ELFN2: variants seen among roughly 807,000 people sequenced by gnomAD.
The protein encoded by ELFN2 is protein phosphatase 1 regulatory subunit 29.
In ELFN2, 17 loss-of-function variants were observed where a neutral mutation model predicts 45.5. That is an observed-to-expected ratio of 0.37 (90% CI 0.26 to 0.56). The LOEUF (loss-of-function observed/expected upper bound fraction) is 0.56, where lower values mean the gene tolerates loss of function less well. ELFN2 is among the 20% of genes least tolerant of loss of function. The pLI is 0.77. For synonymous variants in ELFN2, 550 were observed against 551.5 expected, an observed-to-expected ratio of 1.00 and a Z score of 0.04; for missense variants, 922 against 1,183.2, an observed-to-expected ratio of 0.78 and a Z score of 3.24.
rs576089069 is a variant in ELFN2, at chr22:37,371,774, G to A, written c.*1298C>T. ...GCTCCTCAACCCTCTCTCGGGTGGG[G>A]GCCTCACTGTTTGTGCTTTGTTTGA... On this transcript the variant is annotated 3_prime_UTR_variant, in exon 3 of 3. Coordinates refer to ENST00000402918, the MANE Select transcript of ELFN2 (RefSeq NM_052906.5). This position sits in a 1 kb window ranked among gnomAD's most constrained non-coding sequence, Gnocchi z 6.4. 1 of 152,634 alleles carries A rather than the reference G, an allele frequency of 6.6e-6. No homozygotes were observed. The highest frequency in any genetic ancestry group is 6.5e-5 in the Admixed American group (1 of 15,310). 9.5% of individuals were successfully genotyped at this position (152,634 alleles called of 1,614,324 possible).
In ELFN2 at chr22:37,427,323, A is replaced by G. The variant is rs1932860795; in HGVS notation, c.-639T>C. On this transcript the variant is annotated 5_prime_UTR_variant, in exon 1 of 3. Transcript: ENST00000402918. ...CCCAGCCCCAGCCGGGATCCGGGCCAAGCACCGCCTCCGGGAAGCGGCGGC... is the reference window on the plus strand; with the variant it reads ...CCCAGCCCCAGCCGGGATCCGGGCCGAGCACCGCCTCCGGGAAGCGGCGGC... 1 of 152,678 alleles carries G rather than the reference A, an allele frequency of 6.5e-6. No individual in the cohort carries two copies. Among genetic ancestry groups the G allele is most frequent in the African/African-American group, 2.4e-5 (1 of 41,418 alleles). 9.5% of individuals were successfully genotyped at this position (152,678 alleles called of 1,614,324 possible).
intron 2 of ELFN2, among the ~76,000 whole-genome samples, chr22:37,407,518 G>A (rs1038382844): frequency 6.6e-6 from 1 of 152,180 alleles, no homozygotes; most frequent in Non-Finnish European, 1.5e-5. Flanking sequence ...ATAGAGGAAC[G>A]TGCTCTGTAG....
At chr22:37,377,032 C>T (rs1569133470) in intron 2 of ELFN2, among the ~76,000 whole-genome samples, 1 of 152,216 alleles carries the variant, frequency 6.6e-6, no homozygotes, top group East Asian at 1.9e-4. Context: ...CTAGGTAAAC[C>T]ACAACATCTT....
Position 37,373,155 on chromosome 22 carries a change from T to C in ELFN2, c.2380A>G (p.Lys794Glu). Residue 794 changes from lysine (K) to glutamate (E), a missense_variant, in exon 3 of 3, where the codon AAG becomes GAG. Physicochemically the swap from Lys to Glu is moderately conservative, Grantham distance 56. This residue lies in a region of ELFN2 where 564 missense variants were observed against 642.8 expected (regional missense o/e 0.88). Coordinates refer to ENST00000402918, the MANE Select transcript of ELFN2 (RefSeq NM_052906.5). ...VYMAAGHALR[K>E]KVQFAKDEDL... is the part of the protein sequence containing the mutation. Reference sequence around the variant, plus strand: ...TCGTCCTTGGCGAACTGGACCTTCTTGCGCAGGGCGTGACCGGCGGCCATG... The same window carrying C: ...TCGTCCTTGGCGAACTGGACCTTCTCGCGCAGGGCGTGACCGGCGGCCATG... 6.2e-7 allele frequency: 1 copy of C among 1,613,686 alleles called. No individual in the cohort carries two copies. Among genetic ancestry groups the C allele is most frequent in the Non-Finnish European group, 8.5e-7 (1 of 1,179,896 alleles).
intron 2 of ELFN2, among the ~76,000 whole-genome samples, chr22:37,416,983 C>G (rs1232553234): frequency 6.6e-6 from 1 of 152,166 alleles, no homozygotes; most frequent in Non-Finnish European, 1.5e-5. Flanking sequence ...CCTCCTTTCT[C>G]TGTCTCCTCC....
rs760203893 is a variant in ELFN2 at position 37,373,085 on chromosome 22, T to C, written c.2450A>G (p.Gln817Arg). 1.8e-5 allele frequency: 29 copies of C among 1,595,802 alleles called. No individual in the cohort carries two copies. Among genetic ancestry groups the C allele is most frequent in the Non-Finnish European group, 2.4e-5 (28 of 1,167,090 alleles). The stretch of plus-strand genomic sequence containing the variant: ...GGAAGGGGGGGGTCACAGCTTCTGC[T>C]GGGCGGAGACCCCCTTCCAGTAATC... ...ILDYWKGVSAQQKL is the reference protein window; with the variant it reads ...ILDYWKGVSARQKL Residue 817 changes from glutamine (Q) to arginine (R), a missense_variant, in exon 3 of 3, where the codon CAG becomes CGG. Physicochemically the swap from Gln to Arg is conservative, Grantham distance 43. Coordinates refer to ENST00000402918, the MANE Select transcript of ELFN2 (RefSeq NM_052906.5).
intron 2 of ELFN2, among the ~76,000 whole-genome samples, chr22:37,385,823 CA>C (rs1931932670): frequency 6.6e-6 from 1 of 152,220 alleles, no homozygotes; most frequent in Admixed American, 6.5e-5. Flanking sequence ...AGGATACTAA[CA>C]GCATGGATCG....
chr22:37,344,941 G>T (rs552982562), intron 1 of ELFN2, among the ~76,000 whole-genome samples: 1 of 152,100 alleles, frequency 6.6e-6, no homozygotes, highest in Non-Finnish European at 1.5e-5. Context: ...CTGCCAGGGG[G>T]CCCTCCCCGT....
intron 2 of ELFN2, among the ~76,000 whole-genome samples, chr22:37,403,983 T>G (rs1296452420): frequency 1.3e-5 from 2 of 152,216 alleles, no homozygotes; most frequent in African/African-American, 4.8e-5. Context: ...AGGGGCCTCA[T>G]CTGTCCTGGG....
At chr22:37,380,384 C>T (rs1413723843) in intron 2 of ELFN2, among the ~76,000 whole-genome samples, 3 of 152,170 alleles carry the variant, frequency 2.0e-5, no homozygotes, top group African/African-American at 7.2e-5. Context: ...CCAGAGTTCC[C>T]CCGAAATCCC....
rs539926196 is a variant in ELFN2 at position 37,417,367 on chromosome 22, A to G, written c.-463+402T>C. Among the ~76,000 whole-genome samples the G allele has an allele frequency of 5.3e-5, 8 of 151,776 alleles. No homozygotes were observed. In the South Asian group the frequency reaches 1.7e-3, roughly 32 times the overall value. On this transcript the variant is annotated intron_variant, in intron 2 of 2. Transcript: ENST00000402918. The surrounding 1 kb of genome is among the most constrained non-coding windows in gnomAD (Gnocchi z 4.5). Reference sequence around the variant, plus strand: ...CCCCCACCTGAGCGAGACCCCCACCATGTTGTCCCAGGCCTTCCCCTGGAA... The same window carrying G: ...CCCCCACCTGAGCGAGACCCCCACCGTGTTGTCCCAGGCCTTCCCCTGGAA...
chr22:37,384,645 C>G (rs1246575378), intron 2 of ELFN2, among the ~76,000 whole-genome samples: 1 of 101,048 alleles, frequency 9.9e-6, no homozygotes, highest in South Asian at 3.6e-4. Flanking sequence ...CCCCACCCGA[C>G]CCCTGGCCTC....
chr22:37,362,305 C>G (rs1036929831), intron 1 of ELFN2, among the ~76,000 whole-genome samples: 13 of 152,220 alleles, frequency 8.5e-5, no homozygotes, highest in Non-Finnish European at 1.6e-4. Context: ...GGGTTATAAT[C>G]TAAATAACTG....
Position 37,375,466 on chromosome 22 carries a change from G to A in ELFN2, c.69C>T (p.Asp23=), listed in dbSNP as rs1226505866. Residue 23 remains aspartate (D), a synonymous_variant, in exon 3 of 3, where the codon GAC becomes GAT. Coordinates refer to ENST00000402918, the MANE Select transcript of ELFN2 (RefSeq NM_052906.5). ...CCTTGTCGCCCTCAATGAGCCAGCA[G>A]TCGGCACGCACGGCACCCGGCCGGC... The part of the protein sequence containing the change: ...CVCRPGAVRA[D]CWLIEGDKGY... 8 of 1,608,530 alleles carry A rather than the reference G, an allele frequency of 5.0e-6. No homozygotes were observed. The highest frequency in any genetic ancestry group is 6.8e-6 in the Non-Finnish European group (8 of 1,177,616).
chr22:37,413,255 C>T (rs780635595), intron 2 of ELFN2, among the ~76,000 whole-genome samples: 5 of 152,116 alleles, frequency 3.3e-5, no homozygotes, highest in African/African-American at 7.2e-5. Context: ...AGAAAATGAC[C>T]TGTCCCAGGC....
At chr22:37,380,288 G>A (rs1931716006) in intron 2 of ELFN2, among the ~76,000 whole-genome samples, 1 of 152,080 alleles carries the variant, frequency 6.6e-6, no homozygotes, top group Admixed American at 6.5e-5. Context: ...GAAGATGCAG[G>A]CCCAACCAGC....
chr22:37,374,901 G>C lies in ELFN2; in HGVS notation c.634C>G (p.Arg212Gly). 1 of 1,612,002 alleles carries C rather than the reference G, an allele frequency of 6.2e-7. No individual in the cohort carries two copies. The highest frequency in any genetic ancestry group is 1.3e-5 in the African/African-American group (1 of 75,060). ...VFNNVTKNYD[R>G]LQCESPREFA... is the part of the protein sequence containing the mutation. ...TCCCGCGGCGACTCACACTGCAGGC[G>C]GTCGTAGTTCTTGGTGACGTTGTTG... is the stretch of plus-strand genomic sequence containing the variant. Residue 212 changes from arginine to glycine, a missense_variant, in exon 3 of 3, where the codon CGC (arginine) becomes GGC (glycine). By Grantham distance (125) the Arg-to-Gly change is moderately radical. Around this residue, in one of 2 missense-constraint regions of ELFN2, gnomAD observed 358 missense variants for 540.4 expected, o/e 0.66. Coordinates refer to ENST00000402918, the MANE Select transcript of ELFN2 (RefSeq NM_052906.5).
chr22:37,374,142 G>A lies in ELFN2; in HGVS notation c.1393C>T (p.Leu465=). Residue 465 remains leucine (L), a synonymous_variant, in exon 3 of 3, where the codon CTG becomes TTG. Transcript: ENST00000402918. ...AAQKLGEPPV[L]PVSRMASIPS... is the part of the protein sequence containing the mutation. ...ATGGAGGCCATGCGAGATACGGGCA[G>A]CACGGGAGGCTCGCCCAGCTTCTGG... 2 of 1,613,028 alleles carry A rather than the reference G, an allele frequency of 1.2e-6. No individual in the cohort carries two copies. The highest frequency in any genetic ancestry group is 1.7e-6 in the Non-Finnish European group (2 of 1,180,016).
intron 2 of ELFN2, among the ~76,000 whole-genome samples, chr22:37,395,341 C>T (rs1932188699): frequency 6.6e-6 from 1 of 152,090 alleles, no homozygotes. Context: ...ACGCCAGACC[C>T]AAGTAGGCAT....
Sources: allele counts gnomAD v4.1 joint callset (sites outside exome capture counted in the v4.1 genomes callset), GRCh38; gene constraint gnomAD v4.1.1; regional missense constraint gnomAD v4.1.1; non-coding constraint Gnocchi (gnomAD v3.1); transcripts MANE v1.5; gene names NCBI Gene and HGNC (gene_info 2026-07-23, HGNC 2026-07-21).